Variants in EEPD1 observed in about 807,000 individuals in gnomAD.
EEPD1 encodes endonuclease/exonuclease/phosphatase family domain-containing protein 1.
In EEPD1, 17 loss-of-function variants were observed where a neutral mutation model predicts 46.3. That is an observed-to-expected ratio of 0.37 (90% confidence interval 0.25 to 0.55). The LOEUF is 0.55. EEPD1 is among the 20% of genes least tolerant of loss of function. EEPD1 has a pLI of 0.83. For missense variants in EEPD1, 673 were observed against 745.6 expected (o/e 0.90, Z 1.13); for synonymous variants, 313 against 315.6 (o/e 0.99, Z 0.09).
intron 2 of EEPD1, among the ~76,000 whole-genome samples, chr7:36,218,399 T>TA (rs34209801): frequency 0.59 from 88,552 of 150,644 alleles, 26,410 homozygotes; most frequent in Admixed American, 0.67. Context: ...AGGAAAAAAC[T>TA]AAAAAAAAAA....
intron 2 of EEPD1, among the ~76,000 whole-genome samples, chr7:36,205,501 T>TA (rs905128433): frequency 6.6e-6 from 1 of 152,180 alleles, no homozygotes; most frequent in Non-Finnish European, 1.5e-5. Context: ...GAGTGGCCTG[T>TA]AAAGTATTTC....
intron 3 of EEPD1, among the ~76,000 whole-genome samples, chr7:36,255,623 T>G (rs560478852): frequency 6.6e-6 from 1 of 152,358 alleles, no homozygotes; most frequent in African/African-American, 2.4e-5. Context: ...CGTACAAGTG[T>G]TTATAGTATT....
chr7:36,298,930 T>C (rs1583484050), intron 7 of EEPD1, 77 bp from the exon 8 acceptor site: 1 of 1,534,620 alleles, frequency 6.5e-7, no homozygotes, highest in Non-Finnish European at 8.9e-7. Flanking sequence ...GGTGTGACCC[T>C]CCACCTGCCA....
intron 4 of EEPD1, among the ~76,000 whole-genome samples, chr7:36,282,487 A>G (rs1370524709): frequency 6.6e-6 from 1 of 152,204 alleles, no homozygotes; most frequent in African/African-American, 2.4e-5. Flanking sequence ...CCTGTTGGAG[A>G]GCAAGACAGG....
intron 2 of EEPD1, among the ~76,000 whole-genome samples, chr7:36,229,854 C>CCCA (rs1786292614): frequency 1.3e-5 from 2 of 152,100 alleles, no homozygotes; most frequent in Non-Finnish European, 2.9e-5. Flanking sequence ...GGCACCTACC[C>CCCA]TGGACTGTCT....
chr7:36,235,890 G>GCT (rs1786424919), intron 2 of EEPD1, among the ~76,000 whole-genome samples: 1 of 150,644 alleles, frequency 6.6e-6, no homozygotes, highest in Admixed American at 6.6e-5. Flanking sequence ...TTACGTTGTT[G>GCT]TATAATCATC....
Position 36,195,827 on chromosome 7 carries a change from A to G in EEPD1, c.878+40625A>G, listed in dbSNP as rs1332496448. 2.0e-5 allele frequency among the ~76,000 whole-genome samples: 3 copies of G among 152,268 alleles called. No individual in the cohort carries two copies. The East Asian group carries it at 5.8e-4, about 29-fold the overall frequency. On this transcript the variant is annotated intron_variant, in intron 2 of 7. Coordinates refer to ENST00000242108, the MANE Select transcript of EEPD1 (RefSeq NM_030636.3). ...ATTTGATTTCACCATAACACAATGT[A>G]TAGATATTTCAAAACATTATGTTGT...
Position 36,212,057 on chromosome 7 carries a change from A to T in EEPD1, c.879-26928A>T, listed in dbSNP as rs1263280981. 2.0e-5 allele frequency among the ~76,000 whole-genome samples: 3 copies of T among 152,234 alleles called. No individual in the cohort carries two copies. The South Asian group carries it at 6.2e-4, about 31-fold the overall frequency. ...TGTAATATAGAAATTACTTACATAA[A>T]TCTAAAGGGAAGGTCATTTATATCT... On this transcript the variant is annotated intron_variant, in intron 2 of 7. Coordinates refer to ENST00000242108, the MANE Select transcript of EEPD1 (RefSeq NM_030636.3).
chr7:36,221,045 A>G (rs140009262), intron 2 of EEPD1, among the ~76,000 whole-genome samples: 106 of 152,298 alleles, frequency 7.0e-4, no homozygotes, highest in African/African-American at 2.4e-3. Flanking sequence ...CTCGCCTGAA[A>G]TGATCAGCCT....
intron 2 of EEPD1, among the ~76,000 whole-genome samples, chr7:36,177,951 T>G (rs926597862): frequency 6.6e-6 from 1 of 152,162 alleles, no homozygotes; most frequent in Non-Finnish European, 1.5e-5. Flanking sequence ...TGACCTCAGG[T>G]GATCCACCTG....
intron 2 of EEPD1, among the ~76,000 whole-genome samples, chr7:36,219,796 A>T (rs1216058745): frequency 1.0e-3 from 83 of 80,210 alleles, no homozygotes; most frequent in African/African-American, 2.1e-3. Context: ...AGAGAGAGAG[A>T]GAGAGAGAGA....
chr7:36,254,119 G>A (rs1363012443), intron 3 of EEPD1, among the ~76,000 whole-genome samples: 2 of 152,010 alleles, frequency 1.3e-5, no homozygotes, highest in South Asian at 2.1e-4. Flanking sequence ...GATTGAGCTA[G>A]GATTTACCAT....
At chr7:36,192,167 A>C (rs1409214861) in intron 2 of EEPD1, among the ~76,000 whole-genome samples, 1 of 152,260 alleles carries the variant, frequency 6.6e-6, no homozygotes, top group Non-Finnish European at 1.5e-5. Flanking sequence ...TTTGCATTGC[A>C]GATGCAATTT....
chr7:36,291,191 A>G (rs377438483), intron 6 of EEPD1, among the ~76,000 whole-genome samples: 1 of 152,318 alleles, frequency 6.6e-6, no homozygotes, highest in African/African-American at 2.4e-5. Flanking sequence ...TTGATATTCA[A>G]TGAATGTAGC....
At chr7:36,255,379 A>G (rs1001203812) in intron 3 of EEPD1, among the ~76,000 whole-genome samples, 7 of 152,186 alleles carry the variant, frequency 4.6e-5, no homozygotes, top group African/African-American at 7.2e-5. Flanking sequence ...TTCCAACACC[A>G]TTTATTAAAT....
chr7:36,278,516 G>GT (rs1311747370), intron 3 of EEPD1, among the ~76,000 whole-genome samples: 1 of 141,460 alleles, frequency 7.1e-6, no homozygotes, highest in Non-Finnish European at 1.6e-5. Context: ...CGGTGGGGGG[G>GT]GCGCTTCTTA....
intron 2 of EEPD1, among the ~76,000 whole-genome samples, chr7:36,163,667 CAGG>C (rs1784937030): frequency 6.6e-6 from 1 of 152,138 alleles, no homozygotes; most frequent in African/African-American, 2.4e-5. Flanking sequence ...ATCATGAGGT[CAGG>C]AGATCGAGAC....
chr7:36,228,698 G>A (rs1405619020), intron 2 of EEPD1: 1 of 152,194 alleles, frequency 6.6e-6, no homozygotes, highest in Non-Finnish European at 1.5e-5. Context: ...GTGATAGATA[G>A]GAGGATATTC....
intron 2 of EEPD1, among the ~76,000 whole-genome samples, chr7:36,196,997 A>G (rs1785610122): frequency 6.9e-6 from 1 of 144,584 alleles, no homozygotes; most frequent in Non-Finnish European, 1.5e-5. Context: ...CCATCGTCTG[A>G]GATGTGGGGA....
Sources: gnomAD v4.1 joint callset for allele counts (sites outside exome capture counted in the v4.1 genomes callset) on GRCh38, gnomAD v4.1.1 for gene constraint, MANE v1.5 for transcripts, NCBI Gene and HGNC (gene_info 2026-07-23, HGNC 2026-07-21) for gene names.